The following PRKN variants were observed in gnomAD, a reference collection of about 807,000 sequenced individuals.
The protein encoded by PRKN is E3 ubiquitin-protein ligase parkin.
In PRKN, 56 loss-of-function variants were observed where a neutral mutation model predicts 59.5. The ratio of observed to expected loss-of-function variants is 0.94; its 90% CI spans 0.76 to 1.18. The LOEUF (loss-of-function observed/expected upper bound fraction) is 1.18, where lower values mean the gene tolerates loss of function less well. Among genes scored for constraint, PRKN ranks in the 50% most tolerant of loss-of-function variants. The pLI is 0.00. For synonymous variants in PRKN, 250 were observed against 222.1 expected (o/e 1.13, Z -1.12); for missense variants, 657 against 596.4 (o/e 1.10, Z -1.06).
At chr6:161,703,153 A>T (rs546830381) in intron 7 of PRKN, among the ~76,000 whole-genome samples, 41 of 152,258 alleles carry the variant, frequency 2.7e-4, no homozygotes, top group African/African-American at 9.1e-4. Context: ...AATAATTTTT[A>T]AAAAATTAGC....
intron 9 of PRKN, among the ~76,000 whole-genome samples, chr6:161,403,708 G>C (rs1331998124): frequency 6.6e-6 from 1 of 152,174 alleles, no homozygotes; most frequent in Non-Finnish European, 1.5e-5. Context: ...GCTATGGTTT[G>C]AATGCTTGGC....
intron 7 of PRKN, among the ~76,000 whole-genome samples, chr6:161,701,526 T>G (rs1786250258): frequency 6.6e-6 from 1 of 152,218 alleles, no homozygotes; most frequent in South Asian, 2.1e-4. Flanking sequence ...AAATGGATTT[T>G]TCAGTTACAT....
intron 1 of PRKN, among the ~76,000 whole-genome samples, chr6:162,463,782 G>A (rs2128175213): frequency 6.6e-6 from 1 of 152,226 alleles, no homozygotes; most frequent in Admixed American, 6.5e-5. Context: ...TCTCACAAAG[G>A]CATCTCGAGT....
At position 161,552,808 on chromosome 6, in the gene PRKN, T is replaced by G. The variant is rs1287193476; in HGVS notation, c.934-3805A>C. Among the ~76,000 whole-genome samples, 1 of 150,504 alleles carries G rather than the reference T, an allele frequency of 6.6e-6. No homozygotes were observed. The highest frequency in any genetic ancestry group is 2.4e-5 in the African/African-American group (1 of 41,088). ...TGTTGTTTTTGTTTTTTGTTTTTTT[T>G]TTTTAGACGGAGTCTCGTTGTTACG... On this transcript the variant is annotated intron_variant, in intron 8 of 11. Coordinates refer to ENST00000366898, the MANE Select transcript of PRKN (RefSeq NM_004562.3). The surrounding 1 kb of genome is among the most constrained non-coding windows in gnomAD (Gnocchi z 4.9).
intron 4 of PRKN, among the ~76,000 whole-genome samples, chr6:162,099,934 C>A (rs1779896867): frequency 6.6e-6 from 1 of 152,204 alleles, no homozygotes; most frequent in African/African-American, 2.4e-5. Context: ...ACACACAGCC[C>A]CAACTTCCAG....
chr6:162,195,334 A>G (rs1367207087), intron 4 of PRKN, among the ~76,000 whole-genome samples: 1 of 152,244 alleles, frequency 6.6e-6, no homozygotes, highest in African/African-American at 2.4e-5. Context: ...TGTGAAAACT[A>G]GAAAGTAAGC....
intron 1 of PRKN, among the ~76,000 whole-genome samples, chr6:162,481,715 A>AT (rs952717004): frequency 2.6e-4 from 40 of 151,760 alleles, no homozygotes; most frequent in Non-Finnish European, 2.5e-4. Flanking sequence ...TAACTAAAAT[A>AT]TTTTTTTTTC....
intron 7 of PRKN, among the ~76,000 whole-genome samples, chr6:161,698,187 G>A (rs1786100842): frequency 6.6e-6 from 1 of 152,018 alleles, no homozygotes; most frequent in African/African-American, 2.4e-5. Context: ...TATTTAAAAT[G>A]TCAACAACAT....
intron 1 of PRKN, among the ~76,000 whole-genome samples, chr6:162,529,321 G>A (rs1278095153): frequency 6.6e-6 from 1 of 152,114 alleles, no homozygotes; most frequent in East Asian, 1.9e-4. Flanking sequence ...CCTTACACCT[G>A]AAGGGAACTA....
chr6:162,145,405 T>C (rs932795791), intron 4 of PRKN, among the ~76,000 whole-genome samples: 6 of 152,208 alleles, frequency 3.9e-5, no homozygotes, highest in Non-Finnish European at 8.8e-5. Context: ...ACCATCTCAT[T>C]ATTTTGTGCT....
intron 3 of PRKN, among the ~76,000 whole-genome samples, chr6:162,245,844 T>G (rs1202115764): frequency 6.6e-6 from 1 of 152,180 alleles, no homozygotes; most frequent in Non-Finnish European, 1.5e-5. Flanking sequence ...ATGACACAGC[T>G]TTATTCTTTG....
intron 1 of PRKN, among the ~76,000 whole-genome samples, chr6:162,690,919 G>GA (rs1399025636): frequency 1.1e-4 from 17 of 151,966 alleles, no homozygotes; most frequent in African/African-American, 3.9e-4. Context: ...TATAATTACA[G>GA]TGACCTCACT....
chr6:162,484,121 A>G (rs1008785079), intron 1 of PRKN, among the ~76,000 whole-genome samples: 3 of 152,238 alleles, frequency 2.0e-5, no homozygotes, highest in Admixed American at 6.5e-5. Context: ...GCCTCTTAAT[A>G]TAAAGGAACT....
chr6:161,754,812 T>C (rs554962075), intron 7 of PRKN, among the ~76,000 whole-genome samples: 1 of 152,232 alleles, frequency 6.6e-6, no homozygotes, highest in Non-Finnish European at 1.5e-5. Flanking sequence ...TAAACAAAAA[T>C]GCAACTGTCG....
intron 1 of PRKN, among the ~76,000 whole-genome samples, chr6:162,683,871 A>G (rs1400161179): frequency 6.6e-6 from 1 of 152,164 alleles, no homozygotes; most frequent in African/African-American, 2.4e-5. Context: ...TTCATTTGAA[A>G]AACTAGCTCT....
intron 1 of PRKN, among the ~76,000 whole-genome samples, chr6:162,507,579 A>G (rs1793663990): frequency 6.6e-6 from 1 of 152,220 alleles, no homozygotes; most frequent in Non-Finnish European, 1.5e-5. Flanking sequence ...GATCTACTAC[A>G]CAAATTAAAT....
chr6:162,118,820 G>T (rs1375420021), intron 4 of PRKN, among the ~76,000 whole-genome samples: 1 of 152,214 alleles, frequency 6.6e-6, no homozygotes, highest in Non-Finnish European at 1.5e-5. Context: ...TGGGCGTGGA[G>T]GTGTCCTGGC....
At chr6:162,246,647 C>T (rs1779210144) in intron 3 of PRKN, among the ~76,000 whole-genome samples, 1 of 152,138 alleles carries the variant, frequency 6.6e-6, no homozygotes, top group African/African-American at 2.4e-5. Context: ...AAAAACTTTT[C>T]TCTCATTTTT....
At chr6:161,634,974 C>T (rs1562572663) in intron 7 of PRKN, among the ~76,000 whole-genome samples, 1 of 152,078 alleles carries the variant, frequency 6.6e-6, no homozygotes, top group Non-Finnish European at 1.5e-5. Flanking sequence ...CCAAAGAACC[C>T]GAGGCCAGGA....
Sources: gnomAD v4.1 joint callset for allele counts (sites outside exome capture counted in the v4.1 genomes callset) on GRCh38, gnomAD v4.1.1 for gene constraint, Gnocchi (gnomAD v3.1) non-coding constraint, MANE v1.5 for transcripts, NCBI Gene and HGNC (gene_info 2026-07-23, HGNC 2026-07-21) for gene names.